Variants in REV1 observed in about 807,000 individuals in gnomAD.
The protein encoded by REV1 is REV1 DNA directed polymerase, also known as translesion synthesis protein REV1.
REV1 carries 42 observed loss-of-function variants against 137.4 expected under a neutral mutation model. The ratio of observed to expected loss-of-function variants is 0.31; its 90% CI spans 0.24 to 0.40. The LOEUF (loss-of-function observed/expected upper bound fraction) is 0.40, where lower values mean the gene tolerates loss of function less well. Ranked by LOEUF, REV1 falls within the 10% of genes least tolerant of loss-of-function variation. REV1 has a pLI of 1.00. For synonymous variants in REV1, 524 were observed against 519.2 expected (o/e 1.01, Z -0.12); for missense variants, 1,282 against 1,490.1 (o/e 0.86, Z 2.30).
chr2:99,404,327 T>G, intron 18 of REV1, 117 bp downstream of exon 18: 3 of 440,044 alleles, frequency 6.8e-6, no homozygotes, highest in Non-Finnish European at 1.3e-5. Context: ...TCCCCTCCCC[T>G]CCCCAGTGGA....
intron 4 of REV1, among the ~76,000 whole-genome samples, chr2:99,445,248 A>G (rs1682049395): frequency 6.6e-6 from 1 of 152,352 alleles, no homozygotes. Context: ...ATGTAATTAG[A>G]AACCAAAGTT....
intron 6 of REV1, among the ~76,000 whole-genome samples, chr2:99,437,210 T>C (rs953877044): frequency 2.0e-5 from 3 of 151,798 alleles, no homozygotes; most frequent in African/African-American, 7.3e-5. Context: ...CTTGCACTCC[T>C]GGGCTCAAGC....
intron 22 of REV1, among the ~76,000 whole-genome samples, chr2:99,401,774 A>G (rs906738802): frequency 1.3e-5 from 2 of 152,162 alleles, no homozygotes; most frequent in African/African-American, 4.8e-5. Context: ...AGAACACTCA[A>G]ATTTTTTTTT....
At chr2:99,404,111 T>G (rs192764384) in intron 18 of REV1, among the ~76,000 whole-genome samples, 3 of 152,322 alleles carry the variant, frequency 2.0e-5, no homozygotes, top group Admixed American at 6.5e-5. Flanking sequence ...AAACAGGGAC[T>G]CAGGTTGTTA....
At chr2:99,472,884 T>C (rs1450941449) in intron 1 of REV1, among the ~76,000 whole-genome samples, 2 of 152,230 alleles carry the variant, frequency 1.3e-5, no homozygotes, top group Non-Finnish European at 2.9e-5. Context: ...CAAACAGCTT[T>C]TTATGTAACA....
intron 1 of REV1, among the ~76,000 whole-genome samples, chr2:99,474,024 A>G (rs1475372402): frequency 2.0e-5 from 3 of 152,246 alleles, no homozygotes. Context: ...TGGAAAATAC[A>G]GAAAACAGAA....
chr2:99,449,835 C>T (rs1226291946), intron 3 of REV1, among the ~76,000 whole-genome samples: 2 of 152,062 alleles, frequency 1.3e-5, no homozygotes, highest in Non-Finnish European at 2.9e-5. Context: ...AGCATATGAC[C>T]TTGATATTGT....
At chr2:99,413,981 C>G in intron 12 of REV1, among the ~76,000 whole-genome samples, 1 of 151,950 alleles carries the variant, frequency 6.6e-6, no homozygotes, top group South Asian at 2.1e-4. Flanking sequence ...TGAGGTAGAC[C>G]GTCTCTATAA....
chr2:99,431,490 C>T (rs556215531), intron 8 of REV1, among the ~76,000 whole-genome samples: 2 of 152,010 alleles, frequency 1.3e-5, no homozygotes, highest in African/African-American at 4.8e-5. Context: ...CTACTAGACC[C>T]CAAAAAAAGG....
chr2:99,480,187 G>A (rs1476757868), intron 1 of REV1, among the ~76,000 whole-genome samples: 1 of 152,144 alleles, frequency 6.6e-6, no homozygotes, highest in African/African-American at 2.4e-5. Context: ...GCCAGTCATG[G>A]TGGTGCACGC....
chr2:99,424,585 G>T, intron 9 of REV1: 2 of 455,316 alleles, frequency 4.4e-6, no homozygotes, highest in South Asian at 4.3e-5. Context: ...AGAGATGCCA[G>T]CATGCCATAT....
intron 10 of REV1, among the ~76,000 whole-genome samples, chr2:99,423,401 CAT>C (rs1482199884): frequency 6.6e-6 from 1 of 152,210 alleles, no homozygotes; most frequent in East Asian, 1.9e-4. Flanking sequence ...CAAGCCCATT[CAT>C]ATACATTCCC....
chr2:99,489,566 CGGAAG>C (rs1559437906), intron 1 of REV1, among the ~76,000 whole-genome samples: 1 of 148,514 alleles, frequency 6.7e-6, no homozygotes, highest in African/African-American at 2.4e-5. Context: ...CGCGCCATGA[CGGAAG>C]GGAAGGGGAG....
chr2:99,456,174 T>G (rs1252687183), intron 3 of REV1, among the ~76,000 whole-genome samples: 7 of 152,154 alleles, frequency 4.6e-5, no homozygotes, highest in Admixed American at 6.5e-5. Context: ...AGCATCTGAG[T>G]GAAAATATTT....
intron 1 of REV1, among the ~76,000 whole-genome samples, chr2:99,472,693 G>GT (rs1415816525): frequency 6.6e-6 from 1 of 152,162 alleles, no homozygotes; most frequent in Non-Finnish European, 1.5e-5. Flanking sequence ...TGTTTTGTTT[G>GT]TTTTTTACTT....
chr2:99,405,137 G>C (rs1257997912), intron 17 of REV1: 1 of 172,246 alleles, frequency 5.8e-6, no homozygotes, highest in Non-Finnish European at 1.2e-5. Flanking sequence ...ATTCTACTCT[G>C]AGAGCAGCAC....
At chr2:99,446,600 T>C (rs1682248281) in intron 4 of REV1, among the ~76,000 whole-genome samples, 2 of 152,074 alleles carry the variant, frequency 1.3e-5, no homozygotes, top group African/African-American at 4.8e-5. Flanking sequence ...GTTCAAGCAA[T>C]TCTCCTGCCT....
chr2:99,460,093 C>T (rs1016928690), intron 3 of REV1, among the ~76,000 whole-genome samples: 2 of 152,104 alleles, frequency 1.3e-5, no homozygotes, highest in Non-Finnish European at 2.9e-5. Flanking sequence ...AGAGAACTTT[C>T]TATTTTCTTT....
At chr2:99,406,652 C>CA (rs1676336048) in intron 15 of REV1, 162 bp from the exon 16 acceptor site, 1 of 501,678 alleles carries the variant, frequency 2.0e-6, no homozygotes, top group East Asian at 3.5e-5. Context: ...TGACTTATTA[C>CA]AAAAACAATT....
Sources: gnomAD v4.1 joint callset for allele counts (sites outside exome capture counted in the v4.1 genomes callset) on GRCh38, gnomAD v4.1.1 for gene constraint, MANE v1.5 for transcripts, NCBI Gene and HGNC (gene_info 2026-07-23, HGNC 2026-07-21) for gene names.